DCX: variants seen among roughly 807,000 people sequenced by gnomAD.
DCX encodes neuronal migration protein doublecortin.
A neutral mutation model predicts 20.9 loss-of-function variants in DCX; 4 were observed. The ratio of observed to expected loss-of-function variants is 0.19; its 90% CI spans 0.09 to 0.44. The LOEUF is 0.44. Ranked by LOEUF, DCX falls within the 20% of genes least tolerant of loss-of-function variation. DCX has a pLI of 0.99. For missense variants in DCX, 133 were observed against 296.9 expected (o/e 0.45, Z 4.06); for synonymous variants, 103 against 111.4 (o/e 0.92, Z 0.47).
In DCX at chrX:111,295,592, C is replaced by T. The variant is rs1452563563; in HGVS notation, c.*6095G>A. On this transcript the variant is annotated 3_prime_UTR_variant, in exon 7 of 7. Coordinates refer to ENST00000636035, the MANE Select transcript of DCX (RefSeq NM_001195553.2). ...CAAAACAAATGACAGGAGAAATTAC[C>T]TGTGGTCCCTCATTATATTATATTG... 2.7e-5 allele frequency: 3 copies of T among 111,709 alleles called. No homozygotes were observed. Among genetic ancestry groups the T allele is most frequent in the African/African-American group, 9.8e-5 (3 of 30,581 alleles). 9.2% of individuals were successfully genotyped at this position (111,709 alleles called of 1,213,427 possible). A position where few individuals can be genotyped will look rare whatever the true frequency, so the allele number is the denominator to read the frequency against.
rs184244028 is a variant in DCX, at chrX:111,339,323, G to A, written c.706-6170C>T. Among the ~76,000 whole-genome samples, 404 of 111,511 alleles carry A rather than the reference G, an allele frequency of 3.6e-3. 3 individuals carry two copies. The highest frequency in any genetic ancestry group is 0.013 in the African/African-American group (383 of 30,628). On this transcript the variant is annotated intron_variant, in intron 3 of 6. Transcript: ENST00000636035. ...GGTGGGGTTTTTTAGAGATGATTGG[G>A]TCATGAAGGCTCTGGATGAATGGGT...
intron 1 of DCX, chrX:111,411,120 A>G: frequency 2.0e-6 from 1 of 498,340 alleles, no homozygotes; most frequent in Non-Finnish European, 3.5e-6. Context: ...AAGCTGGTGC[A>G]GCTATCCGAC....
intron 6 of DCX, among the ~76,000 whole-genome samples, chrX:111,307,851 A>G (rs1384643490): frequency 9.0e-6 from 1 of 111,550 alleles, no homozygotes; most frequent in Non-Finnish European, 1.9e-5. Context: ...GGAAAAAATT[A>G]TCTGAGAAGA....
intron 2 of DCX, among the ~76,000 whole-genome samples, chrX:111,408,563 T>C (rs1451729681): frequency 9.5e-6 from 1 of 104,983 alleles, no homozygotes; most frequent in Non-Finnish European, 1.9e-5. Context: ...ATCATGCCAT[T>C]GCACTCCAGC....
rs146275568 is a variant in DCX at position 111,348,516 on chromosome X, G to A, written c.706-15363C>T. ...CTCAAGGATGAGAACAGCTGCAGAG[G>A]CGCTGGAGTTGGGCTGTTGAGTACA... On this transcript the variant is annotated intron_variant, in intron 3 of 6. Coordinates refer to ENST00000636035, the MANE Select transcript of DCX (RefSeq NM_001195553.2). 1.8e-3 allele frequency among the ~76,000 whole-genome samples: 206 copies of A among 111,558 alleles called. 1 individual carries two copies. The highest frequency in any genetic ancestry group is 6.2e-3 in the African/African-American group (189 of 30,724).
At chrX:111,338,286 T>C (rs1921907751) in intron 3 of DCX, among the ~76,000 whole-genome samples, 1 of 111,520 alleles carries the variant, frequency 9.0e-6, no homozygotes, top group Non-Finnish European at 1.9e-5. Flanking sequence ...AGAGTGTCTA[T>C]GAGGAGGAGT....
intron 3 of DCX, among the ~76,000 whole-genome samples, chrX:111,344,367 T>C (rs1922592159): frequency 8.9e-6 from 1 of 111,920 alleles, no homozygotes; most frequent in Non-Finnish European, 1.9e-5. Flanking sequence ...CTATTCATCA[T>C]AGTATTAGAA....
At chrX:111,314,401 A>G (rs758881716) in intron 5 of DCX, among the ~76,000 whole-genome samples, 1 of 112,089 alleles carries the variant, frequency 8.9e-6, no homozygotes, top group African/African-American at 3.2e-5. Flanking sequence ...ATAGGGTATT[A>G]TTGGAATTCA....
chrX:111,386,297 C>T (rs1311396722), intron 3 of DCX, among the ~76,000 whole-genome samples: 3 of 111,248 alleles, frequency 2.7e-5, no homozygotes, highest in Non-Finnish European at 5.7e-5. Flanking sequence ...ACAGCCAGCG[C>T]TGTTAAGCTG....
intron 5 of DCX, among the ~76,000 whole-genome samples, chrX:111,315,235 A>G (rs1197860959): frequency 2.0e-5 from 2 of 102,014 alleles, no homozygotes; most frequent in Non-Finnish European, 3.9e-5. Context: ...TTTACAAGAA[A>G]AAAACAAACA....
intron 2 of DCX, among the ~76,000 whole-genome samples, chrX:111,405,647 A>G (rs868030321): frequency 9.0e-6 from 1 of 111,544 alleles, no homozygotes; most frequent in Non-Finnish European, 1.9e-5. Context: ...TGGGGAAAGA[A>G]TTGGACCAGA....
chrX:111,308,847 G>C (rs184882987), intron 6 of DCX, among the ~76,000 whole-genome samples: 2 of 109,554 alleles, frequency 1.8e-5, no homozygotes, highest in African/African-American at 3.3e-5. Flanking sequence ...AAATGAAAGA[G>C]TTTCCTTACG....
chrX:111,410,866 A>C (rs1177929465), intron 1 of DCX: 1 of 1,211,492 alleles, frequency 8.3e-7, no homozygotes, highest in Non-Finnish European at 1.1e-6. Context: ...ATAGCCTGAC[A>C]AAATTCCCCT....
intron 5 of DCX, among the ~76,000 whole-genome samples, chrX:111,315,399 G>A (rs374679413): frequency 2.4e-5 from 1 of 40,842 alleles, no homozygotes; most frequent in Non-Finnish European, 4.2e-5. Context: ...ACACCAGTTA[G>A]AATGGCAATC....
At chrX:111,343,310 T>C (rs1486277222) in intron 3 of DCX, among the ~76,000 whole-genome samples, 4 of 109,740 alleles carry the variant, frequency 3.6e-5, no homozygotes, top group Non-Finnish European at 7.6e-5. Flanking sequence ...GCCAATAAAC[T>C]AGAAAATCTA....
intron 3 of DCX, among the ~76,000 whole-genome samples, chrX:111,381,506 T>C (rs1781048010): frequency 9.1e-6 from 1 of 110,454 alleles, no homozygotes; most frequent in African/African-American, 3.3e-5. Context: ...CATGAAAAAA[T>C]GCAGAATTGC....
At chrX:111,372,549 C>T (rs1243447711) in intron 3 of DCX, among the ~76,000 whole-genome samples, 1 of 111,727 alleles carries the variant, frequency 9.0e-6, no homozygotes, top group African/African-American at 3.3e-5. Flanking sequence ...AGTGAGGCAG[C>T]ATCACATGGA....
At chrX:111,387,377 G>T in intron 3 of DCX, among the ~76,000 whole-genome samples, 1 of 111,925 alleles carries the variant, frequency 8.9e-6, no homozygotes, top group Non-Finnish European at 1.9e-5. Flanking sequence ...AGTGCCTAGG[G>T]CCCACCAGAA....
At chrX:111,317,197 A>T (rs1049321314) in intron 5 of DCX, among the ~76,000 whole-genome samples, 3 of 112,108 alleles carry the variant, frequency 2.7e-5, no homozygotes, top group Non-Finnish European at 5.6e-5. Flanking sequence ...TACAGTAACC[A>T]AAACAGCATA....
Sources: allele counts gnomAD v4.1 joint callset (sites outside exome capture counted in the v4.1 genomes callset), GRCh38; gene constraint gnomAD v4.1.1; transcripts MANE v1.5; gene names NCBI Gene and HGNC (gene_info 2026-07-23, HGNC 2026-07-21).